Variants in PPM1M observed in about 807,000 individuals in gnomAD.
PPM1M encodes protein phosphatase 1M.
PPM1M carries 44 observed loss-of-function variants against 50.8 expected under a neutral mutation model. The ratio of observed to expected loss-of-function variants is 0.87; its 90% CI spans 0.68 to 1.11. The LOEUF is 1.11. PPM1M is among the 50% of genes most tolerant of loss of function. The pLI is 0.00. For synonymous variants in PPM1M, 224 were observed against 242.9 expected (o/e 0.92, Z 0.72); for missense variants, 556 against 593.4 (o/e 0.94, Z 0.66).
At chr3:52,249,519 G>A (rs571919470) in intron 9 of PPM1M, 151 bp from the exon 10 acceptor site, 226 of 1,288,286 alleles carry the variant, frequency 1.8e-4, no homozygotes, top group Non-Finnish European at 2.1e-4. Context: ...GGTCCAGCCC[G>A]TGGCCCTCCC....
intron 7 of PPM1M, 24 bp from the exon 8 acceptor site, chr3:52,248,932 G>GCCTCACA (rs1559448285): frequency 1.9e-6 from 3 of 1,568,062 alleles, no homozygotes; most frequent in Non-Finnish European, 2.6e-6. Context: ...GTTTGCCATC[G>GCCTCACA]CCTCACACCT....
rs1164046088 is a variant in PPM1M, at chr3:52,248,439, C to A, written c.900C>A (p.His300Gln). The change falls in exon 6 of 10, where the codon CAC becomes CAA. Residue 300 changes from histidine (H) to glutamine (Q), a missense_variant. Physicochemically the swap from His to Gln is conservative, Grantham distance 24 (BLOSUM62 0). Coordinates refer to ENST00000323588, the MANE Select transcript of PPM1M (RefSeq NM_144641.4). ...GACAGAAGGTTTTGTTCAGGGATCACCACATGAGTGGCTGGTGAGTGGGGA... is the reference window on the plus strand; with the variant it reads ...GACAGAAGGTTTTGTTCAGGGATCAACACATGAGTGGCTGGTGAGTGGGGA... ...DLGQKVLFRD[H>Q]HMSGWSYKRV... The A allele has an allele frequency of 6.2e-7, 1 of 1,613,232 alleles. No homozygotes were observed.
chr3:52,248,804 G>GA, intron 7 of PPM1M, 104 bp downstream of exon 7: 1 of 1,382,298 alleles, frequency 7.2e-7, no homozygotes, highest in Non-Finnish European at 1.0e-6. Context: ...GGTGGCCTGG[G>GA]ATTTGCTCTG....
Position 52,250,103 on chromosome 3 carries a change from C to T in PPM1M, c.*289C>T. On this transcript the variant is annotated 3_prime_UTR_variant, in exon 10 of 10. Transcript: ENST00000323588. ...GGAAACCCATGTGAGGCTCCTCAGACAGGATCTTGAACAGCCCAAAGTATC... is the reference window on the plus strand; with the variant it reads ...GGAAACCCATGTGAGGCTCCTCAGATAGGATCTTGAACAGCCCAAAGTATC... 2.7e-6 allele frequency: 1 copy of T among 369,616 alleles called. No individual in the cohort carries two copies. Among genetic ancestry groups the T allele is most frequent in the East Asian group, 4.4e-5 (1 of 22,858 alleles). The allele number at this position is 369,616 out of a possible 1,614,324, so 22.9% of individuals were successfully genotyped here.
chr3:52,249,493 G>C, intron 9 of PPM1M, 171 bp downstream of exon 9: 1 of 1,258,298 alleles, frequency 7.9e-7, no homozygotes, highest in South Asian at 1.4e-5. Flanking sequence ...GAAAATCCCT[G>C]GATTTAGACT....
At chr3:52,246,349 C>T in intron 1 of PPM1M, 1 of 1,046,950 alleles carries the variant, frequency 9.6e-7, no homozygotes, top group Non-Finnish European at 1.2e-6. Context: ...TGGAGATTTC[C>T]CCTCGCCCTC....
chr3:52,247,024 A>G lies in PPM1M; in HGVS notation c.393A>G (p.Ala131=), dbSNP rs756449197. Residue 131 remains alanine, a synonymous_variant, in exon 3 of 10, where the codon GCA becomes GCG. Transcript: ENST00000323588. ...TGTTCGATGGGCACGGCGGTCCTGC[A>G]GCAGCCATCTTGGCTGCCAACACCC... ...WALFDGHGGP[A]AAILAANTLH... 10 of 1,550,754 alleles carry G rather than the reference A, an allele frequency of 6.4e-6. No homozygotes were observed. Among genetic ancestry groups the G allele is most frequent in the Non-Finnish European group, 8.7e-6 (10 of 1,146,928 alleles).
rs1171643538 is a variant in PPM1M at position 52,245,801 on chromosome 3, C to T, written c.-24C>T. 3.0e-6 allele frequency: 3 copies of T among 994,414 alleles called. No homozygotes were observed. Among genetic ancestry groups the T allele is most frequent in the Non-Finnish European group, 1.2e-6 (1 of 837,240 alleles). The allele number at this position is 994,414 out of a possible 1,614,324, so 61.6% of individuals were successfully genotyped here. On this transcript the variant is annotated 5_prime_UTR_variant, in exon 1 of 10. Coordinates refer to ENST00000323588, the MANE Select transcript of PPM1M (RefSeq NM_144641.4). The surrounding 1 kb of genome is among the most constrained non-coding windows in gnomAD (Gnocchi z 4.8). Reference sequence around the variant, plus strand: ...CCCAGCCCTAGCGCCCCGCGCTCCGCGGGCAGCCCCCTGCCGCCGCGCCAT... The same window carrying T: ...CCCAGCCCTAGCGCCCCGCGCTCCGTGGGCAGCCCCCTGCCGCCGCGCCAT...
rs888683027 is a variant in PPM1M at position 52,246,588 on chromosome 3, C to A, written c.225-107C>A. The A allele has an allele frequency of 1.4e-5, 9 of 620,862 alleles. No individual in the cohort carries two copies. In the African/African-American group the frequency reaches 1.5e-4, roughly 10 times the overall value. 38.5% of individuals were successfully genotyped at this position (620,862 alleles called of 1,614,324 possible). A position where few individuals can be genotyped will look rare whatever the true frequency, so the allele number is the denominator to read the frequency against. On this transcript the variant is annotated intron_variant, in intron 1 of 9. Coordinates refer to ENST00000323588, the MANE Select transcript of PPM1M (RefSeq NM_144641.4). ...GTGTGTTAGGGACAGCACTGGGGAG[C>A]TGTTGCCCCAGAGGGAGGGGTCTTC...
rs552091277 is a variant in PPM1M at position 52,247,000 on chromosome 3, G to A, written c.369G>A (p.Leu123=). 1.1e-4 allele frequency: 176 copies of A among 1,547,666 alleles called. No individual in the cohort carries two copies. The African/African-American group carries it at 2.1e-3, about 19-fold the overall frequency. Residue 123 remains leucine, a synonymous_variant, in exon 3 of 10, where the codon CTG becomes CTA. Transcript: ENST00000323588. The part of the protein sequence containing the change: ...EEFLTGHYWA[L]FDGHGGPAAA... ...TCCTGACAGGCCATTACTGGGCACT[G>A]TTCGATGGGCACGGCGGTCCTGCAG...
intron 9 of PPM1M, 115 bp downstream of exon 9, chr3:52,249,437 G>T: frequency 7.1e-7 from 1 of 1,412,390 alleles, no homozygotes; most frequent in South Asian, 1.2e-5. Flanking sequence ...GCCAGGATCA[G>T]GGCTGTCTCA....
intron 5 of PPM1M, 49 bp downstream of exon 5, chr3:52,248,286 C>G (rs576807693): frequency 1.2e-6 from 2 of 1,605,190 alleles, no homozygotes; most frequent in South Asian, 2.2e-5. Flanking sequence ...ACTCCTGGGT[C>G]CAGGGCCATA....
Position 52,249,035 on chromosome 3 carries a change from T to C in PPM1M, c.1058T>C (p.Leu353Pro). Reference protein sequence around the residue: ...QLRVLDTNIQLKPFLLSVPQV... With the variant: ...QLRVLDTNIQPKPFLLSVPQV... ...AGAGTCCTGGACACAAACATCCAGC[T>C]CAAGCCCTTCTTGCTCTCTGTGCCA... is the stretch of plus-strand genomic sequence containing the variant. The change falls in exon 8 of 10, where the codon CTC (leucine) becomes CCC (proline). Residue 353 changes from leucine (L) to proline (P), a missense_variant. By Grantham distance (98) the Leu-to-Pro change is moderately conservative. Transcript: ENST00000323588. 2 of 1,611,052 alleles carry C rather than the reference T, an allele frequency of 1.2e-6. No homozygotes were observed. Among genetic ancestry groups the C allele is most frequent in the Non-Finnish European group, 1.7e-6 (2 of 1,178,664 alleles).
At chr3:52,246,076 C>A in intron 1 of PPM1M, 28 bp downstream of exon 1, 2 of 1,084,334 alleles carry the variant, frequency 1.8e-6, no homozygotes, top group Non-Finnish European at 2.3e-6. Flanking sequence ...ACCCCCAGCT[C>A]AGGCCCGGGC....
intron 3 of PPM1M, 45 bp from the exon 4 acceptor site, chr3:52,247,637 G>A: frequency 8.0e-7 from 1 of 1,256,080 alleles, no homozygotes; most frequent in Non-Finnish European, 1.1e-6. Flanking sequence ...AAAGTAGTAT[G>A]GTGGCAGAAC....
Position 52,250,120 on chromosome 3 carries a change from C to T in PPM1M, c.*306C>T, listed in dbSNP as rs1270034169. 9.7e-6 allele frequency: 3 copies of T among 310,184 alleles called. No homozygotes were observed. Among genetic ancestry groups the T allele is most frequent in the South Asian group, 6.1e-5 (1 of 16,430 alleles). 19.2% of individuals were successfully genotyped at this position (310,184 alleles called of 1,614,324 possible). A position where few individuals can be genotyped will look rare whatever the true frequency, so the allele number is the denominator to read the frequency against. On this transcript the variant is annotated 3_prime_UTR_variant, in exon 10 of 10. Transcript: ENST00000323588. ...TCCTCAGACAGGATCTTGAACAGCC[C>T]AAAGTATCATTCTCAGATAGGGGCA...
rs530607812 is a variant in PPM1M, at chr3:52,248,578, T to A, written c.915-59T>A. ...GAGGGTGTGACAGCTGGGCCCTGAG[T>A]TGGGGAAAGATGAGATGGGGCACAG... On this transcript the variant is annotated intron_variant, in intron 6 of 9. Transcript: ENST00000323588. 3 of 1,602,512 alleles carry A rather than the reference T, an allele frequency of 1.9e-6. No homozygotes were observed. In the South Asian group the frequency reaches 3.3e-5, roughly 18 times the overall value.
intron 8 of PPM1M, 31 bp from the exon 9 acceptor site, chr3:52,249,143 A>G (rs756696568): frequency 6.4e-5 from 104 of 1,612,588 alleles, no homozygotes; most frequent in Admixed American, 5.9e-4. Context: ...TCGGGAAGGG[A>G]GTGTGCAGGA....
rs779521998 is a variant in PPM1M at position 52,247,145 on chromosome 3, A to G, written c.514A>G (p.Ser172Gly). The change falls in exon 3 of 10, where the codon AGT becomes GGT. Residue 172 changes from serine to glycine, a missense_variant. Ser to Gly is a moderately conservative substitution (Grantham distance 56, BLOSUM62 0). Coordinates refer to ENST00000323588, the MANE Select transcript of PPM1M (RefSeq NM_144641.4). ...MHLNGRCICP[S>G]DPQFVEEKGI... ...CCTCAATGGCCGCTGCATCTGCCCC[A>G]GTGACCCTCAGTTTGTGGAGGAAAA... is the stretch of plus-strand genomic sequence containing the variant. 2 of 1,612,040 alleles carry G rather than the reference A, an allele frequency of 1.2e-6. No individual in the cohort carries two copies. Among genetic ancestry groups the G allele is most frequent in the Admixed American group, 3.3e-5 (2 of 59,778 alleles).
Sources: gnomAD v4.1 joint callset for allele counts on GRCh38, gnomAD v4.1.1 for gene constraint, Gnocchi (gnomAD v3.1) non-coding constraint, MANE v1.5 for transcripts, NCBI Gene and HGNC (gene_info 2026-07-23, HGNC 2026-07-21) for gene names.